The following DCAF6 variants were observed in gnomAD, a reference collection of about 807,000 sequenced individuals.
DCAF6 encodes DDB1 and CUL4 associated factor 6, also known as DDB1- and CUL4-associated factor 6.
In DCAF6, 54 loss-of-function variants were observed where a neutral mutation model predicts 125.1. The observed-to-expected ratio is 0.43, with a 90% CI of 0.35 to 0.54. The LOEUF (loss-of-function observed/expected upper bound fraction) is 0.54. DCAF6 is among the 20% of genes least tolerant of loss of function. DCAF6 has a pLI of 0.01. For missense variants in DCAF6, 934 were observed against 1,161.7 expected (o/e 0.80, Z 2.85); for synonymous variants, 371 against 390.4 (o/e 0.95, Z 0.58).
chr1:167,987,480 T>C lies in DCAF6; in HGVS notation c.439-15T>C, dbSNP rs751938652. 5 of 1,278,654 alleles carry C rather than the reference T, an allele frequency of 3.9e-6. No homozygotes were observed. The highest frequency in any genetic ancestry group is 5.7e-6 in the Non-Finnish European group (5 of 883,568). 79.2% of individuals were successfully genotyped at this position (1,278,654 alleles called of 1,614,324 possible). Reference sequence around the variant, plus strand: ...ATGTTCGTATGATTATCTGCACTTTTCTTTTCATCTTCAGATTATGACTGT... The same window carrying C: ...ATGTTCGTATGATTATCTGCACTTTCCTTTTCATCTTCAGATTATGACTGT... On this transcript the variant is annotated splice_polypyrimidine_tract_variant and intron_variant, in intron 4 of 21. Transcript: ENST00000367840.
intron 12 of DCAF6, among the ~76,000 whole-genome samples, chr1:168,031,674 T>C (rs1687108888): frequency 6.6e-6 from 1 of 152,040 alleles, no homozygotes; most frequent in Admixed American, 6.6e-5. Flanking sequence ...AAAATGAGAG[T>C]GTTATTTATG....
At chr1:168,041,212 CA>C (rs1406826818) in intron 13 of DCAF6, among the ~76,000 whole-genome samples, 2 of 152,056 alleles carry the variant, frequency 1.3e-5, no homozygotes, top group Admixed American at 1.3e-4. Context: ...TTGTTAGCTA[CA>C]GTTCTCATCT....
chr1:167,952,935 A>G (rs918078921), intron 2 of DCAF6, among the ~76,000 whole-genome samples: 13 of 151,936 alleles, frequency 8.6e-5, no homozygotes, highest in Admixed American at 5.2e-4. Flanking sequence ...ATTTTGCCAT[A>G]TTTTCTTTTC....
the DCAF6 span, among the ~76,000 whole-genome samples, chr1:167,905,364 A>G: frequency 2.0e-5 from 3 of 152,226 alleles, no homozygotes; most frequent in African/African-American, 7.2e-5. Context: ...ACAGAGGAAG[A>G]ACCCTCCCAC....
At chr1:167,943,025 G>A (rs959146224) in intron 1 of DCAF6, among the ~76,000 whole-genome samples, 1 of 152,202 alleles carries the variant, frequency 6.6e-6, no homozygotes, top group African/African-American at 2.4e-5. Flanking sequence ...TCCTGCCTCA[G>A]CCTCCCGAGT....
the DCAF6 span, chr1:167,917,128 T>C: frequency 2.0e-5 from 3 of 152,190 alleles, no homozygotes; most frequent in Non-Finnish European, 4.4e-5. Flanking sequence ...TTAGCACTTT[T>C]AGAAAAAAAG....
the DCAF6 span, among the ~76,000 whole-genome samples, chr1:167,897,615 ATCGGC>A: frequency 0.018 from 746 of 40,650 alleles, 86 homozygotes; most frequent in Middle Eastern, 0.04. Flanking sequence ...GTGTGACAAC[ATCGGC>A]TGGCAACTCT....
chr1:167,960,199 G>T (rs567640487), intron 2 of DCAF6, among the ~76,000 whole-genome samples: 73 of 151,926 alleles, frequency 4.8e-4, no homozygotes, highest in Non-Finnish European at 9.1e-4. Flanking sequence ...CTGTTTCTGG[G>T]CTCTGAATTC....
chr1:167,887,501 C>T, the DCAF6 span, among the ~76,000 whole-genome samples: 2 of 151,958 alleles, frequency 1.3e-5, no homozygotes, highest in Non-Finnish European at 2.9e-5. Flanking sequence ...ACAATGAGAA[C>T]ACTTAGACAC....
intron 3 of DCAF6, chr1:167,969,354 T>A (rs1215754075): frequency 1.3e-5 from 2 of 152,198 alleles, no homozygotes; most frequent in African/African-American, 4.8e-5. Flanking sequence ...GTGGCTAGGT[T>A]CTAGTGAAAT....
chr1:167,970,305 A>G (rs576594519), intron 3 of DCAF6, among the ~76,000 whole-genome samples: 2 of 152,108 alleles, frequency 1.3e-5, no homozygotes, highest in South Asian at 4.2e-4. Flanking sequence ...AAAAAATGAT[A>G]CTCTTTCTCA....
At chr1:167,987,905 A>G (rs545147457) in intron 5 of DCAF6, among the ~76,000 whole-genome samples, 4 of 152,204 alleles carry the variant, frequency 2.6e-5, no homozygotes, top group Admixed American at 1.3e-4. Context: ...ACTGTCTAAT[A>G]TAAAAACCTG....
chr1:168,069,957 C>G (rs1692823647), intron 21 of DCAF6, among the ~76,000 whole-genome samples: 1 of 152,088 alleles, frequency 6.6e-6, no homozygotes, highest in Non-Finnish European at 1.5e-5. Context: ...AAAACGTTTA[C>G]TGGTAATGAC....
the DCAF6 span, among the ~76,000 whole-genome samples, chr1:167,865,199 G>A: frequency 2.6e-5 from 4 of 152,160 alleles, no homozygotes; most frequent in Middle Eastern, 3.4e-3. Flanking sequence ...AAGATTAGAA[G>A]GAGGCATAAG....
chr1:168,017,387 A>G (rs1257814204), intron 11 of DCAF6, among the ~76,000 whole-genome samples: 1 of 152,120 alleles, frequency 6.6e-6, no homozygotes, highest in Non-Finnish European at 1.5e-5. Flanking sequence ...TATTAAAATG[A>G]TCTTGAGTAT....
intron 6 of DCAF6, among the ~76,000 whole-genome samples, chr1:167,992,252 T>TACACAC (rs761598229): frequency 0.012 from 1,701 of 143,176 alleles, 32 homozygotes; most frequent in African/African-American, 0.042. Flanking sequence ...AGGCCAGGAT[T>TACACAC]ACACACACAC....
At chr1:168,039,573 A>G (rs1688235744) in intron 13 of DCAF6, among the ~76,000 whole-genome samples, 1 of 148,516 alleles carries the variant, frequency 6.7e-6, no homozygotes, top group African/African-American at 2.4e-5. Flanking sequence ...ATATATTGAT[A>G]TAGTATTTCT....
rs140717937 is a variant in DCAF6 at position 167,976,559 on chromosome 1, A to C, written c.438+1544A>C. 1.1e-4 allele frequency among the ~76,000 whole-genome samples: 17 copies of C among 152,314 alleles called. No homozygotes were observed. The East Asian group carries it at 3.3e-3, about 29-fold the overall frequency. On this transcript the variant is annotated intron_variant, in intron 4 of 21. Transcript: ENST00000367840. Reference sequence around the variant, plus strand: ...ATTGTGTTTCTGTTTCTTGCTTCTAAGATAGACATTCATTTTTGTTATTCT... The same window carrying C: ...ATTGTGTTTCTGTTTCTTGCTTCTACGATAGACATTCATTTTTGTTATTCT...
the DCAF6 span, among the ~76,000 whole-genome samples, chr1:167,914,659 G>A: frequency 6.6e-6 from 1 of 152,174 alleles, no homozygotes; most frequent in African/African-American, 2.4e-5. Flanking sequence ...TTTATCTGAT[G>A]TGACACTGGA....
Sources: allele counts gnomAD v4.1 joint callset (sites outside exome capture counted in the v4.1 genomes callset), GRCh38; gene constraint gnomAD v4.1.1; transcripts MANE v1.5; gene names NCBI Gene and HGNC (gene_info 2026-07-23, HGNC 2026-07-21).